The following NELL1 variants were observed in gnomAD, a reference collection of about 807,000 sequenced individuals.
The protein encoded by NELL1 is protein kinase C-binding protein NELL1.
In NELL1, 76 loss-of-function variants were observed where a neutral mutation model predicts 107.4. The ratio of observed to expected loss-of-function variants is 0.71; its 90% confidence interval spans 0.59 to 0.86. The LOEUF is 0.86. Ranked by LOEUF, NELL1 falls within the 40% of genes least tolerant of loss-of-function variation. The pLI is 0.00. For missense variants in NELL1, 1,024 were observed against 1,005.5 expected (o/e 1.02, Z -0.25); for synonymous variants, 353 against 341.2 (o/e 1.03, Z -0.38).
chr11:20,833,453 A>T (rs1679527475), intron 3 of NELL1, among the ~76,000 whole-genome samples: 1 of 152,188 alleles, frequency 6.6e-6, no homozygotes, highest in Non-Finnish European at 1.5e-5. Context: ...TGTTACTACA[A>T]ACCAGATATT....
In NELL1 at chr11:21,575,132, C is replaced by G. The variant is rs1857191711; in HGVS notation, c.*110C>G. On this transcript the variant is annotated 3_prime_UTR_variant, in exon 20 of 20. Coordinates refer to ENST00000357134, the MANE Select transcript of NELL1 (RefSeq NM_006157.5). ...TTTGTTTGTTTTGTTTTTTTAACCA[C>G]AGATAATTGCCAAAGTTTCCACCTG... 1 of 975,334 alleles carries G rather than the reference C, an allele frequency of 1.0e-6. No individual in the cohort carries two copies. Among genetic ancestry groups the G allele is most frequent in the African/African-American group, 1.6e-5 (1 of 61,670 alleles). The allele number at this position is 975,334 out of a possible 1,614,324, so 60.4% of individuals were successfully genotyped here.
chr11:20,903,219 G>C (rs1849917613), intron 5 of NELL1, among the ~76,000 whole-genome samples: 1 of 151,946 alleles, frequency 6.6e-6, no homozygotes, highest in Non-Finnish European at 1.5e-5. Flanking sequence ...TTCCAAGAAT[G>C]AACAGAAATT....
At chr11:21,124,289 A>G (rs1471112263) in intron 13 of NELL1, among the ~76,000 whole-genome samples, 1 of 152,168 alleles carries the variant, frequency 6.6e-6, no homozygotes, top group Non-Finnish European at 1.5e-5. Flanking sequence ...CAGTAAATTA[A>G]AAAAATATAT....
intron 14 of NELL1, among the ~76,000 whole-genome samples, chr11:21,357,163 A>C (rs1392486242): frequency 6.6e-6 from 1 of 152,182 alleles, no homozygotes; most frequent in East Asian, 1.9e-4. Flanking sequence ...CTCCGGGTAG[A>C]TACCCTGTAG....
intron 14 of NELL1, among the ~76,000 whole-genome samples, chr11:21,332,401 AT>A (rs775808515): frequency 3.3e-5 from 5 of 152,004 alleles, no homozygotes; most frequent in Admixed American, 2.0e-4. Context: ...AGAGTTGCTT[AT>A]CCTATGCCAT....
At chr11:21,501,138 T>C (rs1313449643) in intron 15 of NELL1, among the ~76,000 whole-genome samples, 1 of 152,188 alleles carries the variant, frequency 6.6e-6, no homozygotes, top group Non-Finnish European at 1.5e-5. Context: ...TACAGGTCTT[T>C]AAATGTGTCT....
At chr11:20,758,981 T>A (rs1856359127) in intron 2 of NELL1, among the ~76,000 whole-genome samples, 1 of 152,186 alleles carries the variant, frequency 6.6e-6, no homozygotes, top group African/African-American at 2.4e-5. Flanking sequence ...AAGGAACTGA[T>A]GTTCGTTGAG....
At chr11:20,826,151 C>T (rs906204321) in intron 3 of NELL1, among the ~76,000 whole-genome samples, 1 of 151,244 alleles carries the variant, frequency 6.6e-6, no homozygotes, top group African/African-American at 2.4e-5. Flanking sequence ...TGTTTCAAAC[C>T]TCTTTCTTTT....
At chr11:20,681,808 C>A (rs1854195988) in intron 2 of NELL1, among the ~76,000 whole-genome samples, 1 of 152,008 alleles carries the variant, frequency 6.6e-6, no homozygotes, top group East Asian at 1.9e-4. Flanking sequence ...CAGTTCATTG[C>A]CTGTTGGAGC....
intron 16 of NELL1, among the ~76,000 whole-genome samples, chr11:21,555,505 G>A (rs919961804): frequency 1.3e-5 from 2 of 151,770 alleles, no homozygotes; most frequent in Non-Finnish European, 2.9e-5. Context: ...CCAAAACAGT[G>A]TTATATTTTT....
intron 15 of NELL1, among the ~76,000 whole-genome samples, chr11:21,498,959 A>G (rs1390439581): frequency 6.6e-6 from 1 of 152,026 alleles, no homozygotes; most frequent in Non-Finnish European, 1.5e-5. Context: ...TTTTCTGCCC[A>G]TATTTATACT....
chr11:21,157,160 T>C (rs1372644772), intron 13 of NELL1, among the ~76,000 whole-genome samples: 2 of 139,468 alleles, frequency 1.4e-5, no homozygotes, highest in African/African-American at 5.1e-5. Flanking sequence ...TATATATATA[T>C]ATGTGTGTGT....
intron 2 of NELL1, among the ~76,000 whole-genome samples, chr11:20,721,197 A>AT (rs1253237083): frequency 7.4e-5 from 8 of 108,278 alleles, no homozygotes; most frequent in African/African-American, 4.5e-4. Context: ...ATATATATAT[A>AT]GTGTATATAT....
At chr11:21,305,436 T>A (rs1484699262) in intron 14 of NELL1, among the ~76,000 whole-genome samples, 2 of 152,002 alleles carry the variant, frequency 1.3e-5, no homozygotes, top group African/African-American at 2.4e-5. Context: ...TGATGCCTGA[T>A]GGGTGACAAG....
chr11:20,885,017 G>A (rs915965752), intron 4 of NELL1, among the ~76,000 whole-genome samples: 8 of 152,212 alleles, frequency 5.3e-5, no homozygotes, highest in East Asian at 1.9e-4. Context: ...ATAGCAGGGT[G>A]CAAAGGAAAG....
intron 5 of NELL1, among the ~76,000 whole-genome samples, chr11:20,895,610 A>ATT (rs772261327): frequency 1.3e-5 from 2 of 148,448 alleles, no homozygotes; most frequent in Non-Finnish European, 3.0e-5. Flanking sequence ...AGGTTTAAGC[A>ATT]TTTCTCTGCC....
chr11:21,127,711 C>T (rs1405484711), intron 13 of NELL1, among the ~76,000 whole-genome samples: 1 of 152,096 alleles, frequency 6.6e-6, no homozygotes, highest in Non-Finnish European at 1.5e-5. Context: ...GAGTATTTAT[C>T]TTATGTCTGT....
At position 21,224,940 on chromosome 11, in the gene NELL1, T is replaced by G. The variant is rs1227593279; in HGVS notation, c.1427-4392T>G. On this transcript the variant is annotated intron_variant, in intron 13 of 19. Transcript: ENST00000357134. Reference sequence around the variant, plus strand: ...CTTAAGATCATTATTTTGAATTCATTTTCAGTCATTTCATAGACTTCATTT... The same window carrying G: ...CTTAAGATCATTATTTTGAATTCATGTTCAGTCATTTCATAGACTTCATTT... Among the ~76,000 whole-genome samples the G allele has an allele frequency of 3.3e-5, 5 of 152,310 alleles. No individual in the cohort carries two copies. In the South Asian group the frequency reaches 8.3e-4, roughly 25 times the overall value.
In NELL1 at chr11:21,573,313, C is replaced by T. The variant is rs531307900; in HGVS notation, c.2286C>T (p.Asp762=). ...DPCLADNITY[D]IRKTCLDSYG... ...GCCTAGCTGATAACATCACCTATGA[C>T]ATCAGAAAAACTTGCCTGGACAGCT... Residue 762 remains aspartate, a synonymous_variant, in exon 19 of 20, where the codon GAC becomes GAT. Coordinates refer to ENST00000357134, the MANE Select transcript of NELL1 (RefSeq NM_006157.5). 74 of 1,612,610 alleles carry T rather than the reference C, an allele frequency of 4.6e-5. 2 individuals are homozygous for T. In the South Asian group the frequency reaches 7.6e-4, roughly 17 times the overall value.
Sources: allele counts gnomAD v4.1 joint callset (sites outside exome capture counted in the v4.1 genomes callset), GRCh38; gene constraint gnomAD v4.1.1; transcripts MANE v1.5; gene names NCBI Gene and HGNC (gene_info 2026-07-23, HGNC 2026-07-21).